ATP8A2: variants seen among roughly 807,000 people sequenced by gnomAD.
ATP8A2 encodes ATPase phospholipid transporting 8A2.
A neutral mutation model predicts 165.6 loss-of-function variants in ATP8A2; 100 were observed. The ratio of observed to expected loss-of-function variants is 0.60; its 90% confidence interval spans 0.51 to 0.71. The LOEUF (loss-of-function observed/expected upper bound fraction) is 0.71. Among genes scored for constraint, ATP8A2 ranks in the 30% least tolerant of loss-of-function variants. ATP8A2 has a pLI of 0.00. For missense variants in ATP8A2, 1,227 were observed against 1,479.5 expected (o/e 0.83, Z 2.80); for synonymous variants, 543 against 548.8 (o/e 0.99, Z 0.15).
chr13:26,024,679 A>G lies in ATP8A2; in HGVS notation c.*4694A>G, dbSNP rs1957134798. The G allele has an allele frequency of 6.6e-6, 1 of 152,204 alleles. No individual in the cohort carries two copies. The highest frequency in any genetic ancestry group is 2.4e-5 in the African/African-American group (1 of 41,446). The allele number at this position is 152,204 out of a possible 1,614,324, so 9.4% of individuals were successfully genotyped here. On this transcript the variant is annotated 3_prime_UTR_variant, in exon 37 of 37. Transcript: ENST00000381655. ...ACCCAGGCTGGCGCATTTTCAAGTG[A>G]CAATCTCGGGCTCTAGTTGCCTTTG...
chr13:25,468,890 C>A, intron 1 of ATP8A2, 87 bp from the exon 2 acceptor site: 1 of 1,565,298 alleles, frequency 6.4e-7, no homozygotes, highest in South Asian at 1.2e-5. Context: ...CGCCGGTGGC[C>A]GCCCGCCCGC....
chr13:25,757,894 C>G (rs2044297556), intron 25 of ATP8A2, among the ~76,000 whole-genome samples: 1 of 152,098 alleles, frequency 6.6e-6, no homozygotes, highest in Non-Finnish European at 1.5e-5. Context: ...GTGACTAGCT[C>G]TATTCTGAAG....
chr13:25,667,392 G>C (rs1210200104), intron 24 of ATP8A2, among the ~76,000 whole-genome samples: 1 of 152,194 alleles, frequency 6.6e-6, no homozygotes, highest in African/African-American at 2.4e-5. Context: ...TCTCCCAGTA[G>C]TGAGTGAGTT....
chr13:25,563,247 T>G (rs927292201), intron 15 of ATP8A2, among the ~76,000 whole-genome samples: 5 of 152,082 alleles, frequency 3.3e-5, no homozygotes, highest in African/African-American at 1.2e-4. Flanking sequence ...CTGTCTCTAC[T>G]AAAAATACAA....
intron 27 of ATP8A2, among the ~76,000 whole-genome samples, chr13:25,825,555 T>C (rs1434295329): frequency 6.6e-6 from 1 of 152,152 alleles, no homozygotes; most frequent in Non-Finnish European, 1.5e-5. Context: ...ACTAGATATC[T>C]TTTTGGTCAA....
Position 25,642,124 on chromosome 13 carries a change from G to A in ATP8A2, c.2211+52425G>A, listed in dbSNP as rs1442729516. Among the ~76,000 whole-genome samples, 6 of 152,214 alleles carry A rather than the reference G, an allele frequency of 3.9e-5. No individual in the cohort carries two copies. In the South Asian group the frequency reaches 1.0e-3, roughly 26 times the overall value. On this transcript the variant is annotated intron_variant, in intron 24 of 36. Transcript: ENST00000381655. ...TTCAAGATGGATTAAAGACTTAAAT[G>A]TTAGACCTAAAACCATAAAAACCCT...
chr13:25,607,857 T>C (rs942257306), intron 24 of ATP8A2, among the ~76,000 whole-genome samples: 3 of 152,236 alleles, frequency 2.0e-5, no homozygotes, highest in Non-Finnish European at 4.4e-5. Flanking sequence ...GTTTATTATA[T>C]AGAATATTTT....
chr13:25,873,583 C>T (rs371873478), intron 33 of ATP8A2, among the ~76,000 whole-genome samples: 57 of 151,414 alleles, frequency 3.8e-4, no homozygotes, highest in African/African-American at 1.4e-3. Context: ...AGTTTCAGTC[C>T]TCTCCCCTCT....
chr13:25,842,932 G>T (rs1169658565), intron 30 of ATP8A2, among the ~76,000 whole-genome samples: 2 of 152,158 alleles, frequency 1.3e-5, no homozygotes, highest in Non-Finnish European at 2.9e-5. Flanking sequence ...AAAACTACTG[G>T]CAGAGATTCC....
In ATP8A2 at chr13:25,372,275, C is replaced by A; in HGVS notation, c.63C>A (p.Ile21=). The part of the protein sequence containing the change: ...LKMSLPRRSR[I]RSSVGPVRSS... Reference sequence around the variant, plus strand: ...TGTCCCTGCCGCGGAGGTCGAGGATCCGCTCGTCCGTGGGTGAGCTGGGAG... The same window carrying A: ...TGTCCCTGCCGCGGAGGTCGAGGATACGCTCGTCCGTGGGTGAGCTGGGAG... The change falls in exon 1 of 37, where the codon ATC becomes ATA. Residue 21 remains isoleucine, a synonymous_variant. Coordinates refer to ENST00000381655, the MANE Select transcript of ATP8A2 (RefSeq NM_016529.6). This position sits in a 1 kb window ranked among gnomAD's most constrained non-coding sequence, Gnocchi z 4.8. 6.8e-7 allele frequency: 1 copy of A among 1,476,732 alleles called. No homozygotes were observed. Among genetic ancestry groups the A allele is most frequent in the Non-Finnish European group, 9.0e-7 (1 of 1,110,804 alleles). The allele number at this position is 1,476,732 out of a possible 1,614,324, so 91.5% of individuals were successfully genotyped here. A position where few individuals can be genotyped will look rare whatever the true frequency, so the allele number is the denominator to read the frequency against.
intron 28 of ATP8A2, among the ~76,000 whole-genome samples, chr13:25,831,663 T>G (rs1019838272): frequency 6.6e-6 from 1 of 151,866 alleles, no homozygotes; most frequent in Non-Finnish European, 1.5e-5. Flanking sequence ...GCCAACATGG[T>G]GAAACCTCAT....
rs550683837 is a variant in ATP8A2, at chr13:25,730,058, G to C, written c.2384+30713G>C. ...GTAATCCCAGGACTTTGGAGGCCGA[G>C]GTGGGCAGATTGCTTGAACCCAGGA... On this transcript the variant is annotated intron_variant, in intron 25 of 36. Coordinates refer to ENST00000381655, the MANE Select transcript of ATP8A2 (RefSeq NM_016529.6). Among the ~76,000 whole-genome samples, 4 of 149,536 alleles carry C rather than the reference G, an allele frequency of 2.7e-5. No homozygotes were observed. In the South Asian group the frequency reaches 6.2e-4, roughly 23 times the overall value.
intron 33 of ATP8A2, among the ~76,000 whole-genome samples, chr13:25,959,171 G>A (rs1453071496): frequency 6.6e-6 from 1 of 152,380 alleles, no homozygotes; most frequent in African/African-American, 2.4e-5. Context: ...GCTGGAAGGA[G>A]CAGGCTGATC....
At chr13:25,646,607 A>G (rs2041677769) in intron 24 of ATP8A2, among the ~76,000 whole-genome samples, 1 of 137,126 alleles carries the variant, frequency 7.3e-6, no homozygotes, top group South Asian at 2.6e-4. Context: ...GTGAGCCAAG[A>G]TCGTGCCTCT....
chr13:25,639,746 A>G lies in ATP8A2; in HGVS notation c.2211+50047A>G, dbSNP rs370816827. Among the ~76,000 whole-genome samples, 3 of 138,260 alleles carry G rather than the reference A, an allele frequency of 2.2e-5. No homozygotes were observed. In the East Asian group the frequency reaches 5.8e-4, roughly 27 times the overall value. The allele number at this position is 138,260 out of a possible 152,430, so 90.7% of individuals were successfully genotyped here. A position where few individuals can be genotyped will look rare whatever the true frequency, so the allele number is the denominator to read the frequency against. On this transcript the variant is annotated intron_variant, in intron 24 of 36. Coordinates refer to ENST00000381655, the MANE Select transcript of ATP8A2 (RefSeq NM_016529.6). ...GGGAATTGAACTCAGCTGTGCACCA[A>G]GTGGACTTAATAGACATCTACAGAA...
intron 1 of ATP8A2, among the ~76,000 whole-genome samples, chr13:25,378,985 G>A (rs9507510): frequency 0.37 from 56,511 of 152,102 alleles, 10,620 homozygotes; most frequent in Admixed American, 0.43. Flanking sequence ...AATTCTATAT[G>A]CATATTTGTA....
chr13:25,774,546 G>A (rs1170626191), intron 26 of ATP8A2, among the ~76,000 whole-genome samples: 3 of 152,156 alleles, frequency 2.0e-5, no homozygotes, highest in Non-Finnish European at 4.4e-5. Context: ...TCCTGCACAT[G>A]TATCCTGGAA....
intron 13 of ATP8A2, among the ~76,000 whole-genome samples, chr13:25,557,624 G>A (rs1252911286): frequency 6.6e-6 from 1 of 152,184 alleles, no homozygotes; most frequent in Non-Finnish European, 1.5e-5. Flanking sequence ...TTGTGAGGGC[G>A]TGGGTGTGCC....
At chr13:25,830,914 T>C (rs1951445773) in intron 28 of ATP8A2, among the ~76,000 whole-genome samples, 1 of 152,214 alleles carries the variant, frequency 6.6e-6, no homozygotes, top group South Asian at 2.1e-4. Flanking sequence ...ATCTGAAACA[T>C]TTAACATGGA....
Sources: gnomAD v4.1 joint callset for allele counts (sites outside exome capture counted in the v4.1 genomes callset) on GRCh38, gnomAD v4.1.1 for gene constraint, Gnocchi (gnomAD v3.1) non-coding constraint, MANE v1.5 for transcripts, NCBI Gene and HGNC (gene_info 2026-07-23, HGNC 2026-07-21) for gene names.